COPS4: variants seen among roughly 807,000 people sequenced by gnomAD.
The protein encoded by COPS4 is COP9 signalosome subunit 4.
Under a neutral mutation model 55.1 loss-of-function variants are expected in COPS4, and 8 were observed. The ratio of observed to expected loss-of-function variants is 0.15; its 90% CI spans 0.09 to 0.26. COPS4 has a LOEUF of 0.26. Ranked by LOEUF, COPS4 falls within the 10% of genes least tolerant of loss-of-function variation. COPS4 has a pLI of 1.00. For missense variants in COPS4, 248 were observed against 484.0 expected (o/e 0.51, Z 4.58); for synonymous variants, 185 against 165.7 (o/e 1.12, Z -0.90).
At chr4:83,069,575 A>G (rs1731369485) in intron 9 of COPS4, among the ~76,000 whole-genome samples, 1 of 152,132 alleles carries the variant, frequency 6.6e-6, no homozygotes, top group South Asian at 2.1e-4. Context: ...TGACTATTTC[A>G]GGTTTGGTTT....
At chr4:83,038,940 G>T (rs1048485248) in intron 1 of COPS4, among the ~76,000 whole-genome samples, 1 of 152,122 alleles carries the variant, frequency 6.6e-6, no homozygotes, top group Non-Finnish European at 1.5e-5. Flanking sequence ...ACCGCGCCTG[G>T]CCAGCACTTA....
rs112044772 is a variant in COPS4, at chr4:83,045,864, G to T, written c.154+159G>T. On this transcript the variant is annotated intron_variant, in intron 2 of 9. Coordinates refer to ENST00000264389, the MANE Select transcript of COPS4 (RefSeq NM_016129.3). ...GTTTACAACTTGATTAATTTTCAGT[G>T]AATTATCTTCAGAATTACAATCCTA... 5.3e-5 allele frequency among the ~76,000 whole-genome samples: 8 copies of T among 152,200 alleles called. 1 individual carries two copies. Among genetic ancestry groups the T allele is most frequent in the African/African-American group, 1.9e-4 (8 of 41,542 alleles).
intron 1 of COPS4, among the ~76,000 whole-genome samples, chr4:83,044,739 C>G (rs1040096810): frequency 3.6e-4 from 55 of 152,100 alleles, no homozygotes; most frequent in African/African-American, 1.3e-3. Flanking sequence ...TGCGCCACTG[C>G]ACTCCAGCCT....
chr4:83,056,262 A>G (rs1241820550), intron 4 of COPS4, among the ~76,000 whole-genome samples: 1 of 152,066 alleles, frequency 6.6e-6, no homozygotes, highest in Non-Finnish European at 1.5e-5. Flanking sequence ...GTAAATGTAT[A>G]GTGGGTTAAG....
At chr4:83,045,211 T>C (rs1195189164) in intron 1 of COPS4, among the ~76,000 whole-genome samples, 1 of 152,240 alleles carries the variant, frequency 6.6e-6, no homozygotes, top group Non-Finnish European at 1.5e-5. Context: ...AATGTTTTTG[T>C]GTGTCTATGT....
chr4:83,049,131 C>T (rs1380973135), intron 2 of COPS4, 35 bp from the exon 3 acceptor site: 4 of 1,561,740 alleles, frequency 2.6e-6, no homozygotes, highest in Admixed American at 4.1e-5. Context: ...TTTATCAGCT[C>T]ATGTTTTCTT....
chr4:83,053,666 C>A (rs1730943603), intron 4 of COPS4, among the ~76,000 whole-genome samples: 1 of 151,708 alleles, frequency 6.6e-6, no homozygotes, highest in African/African-American at 2.4e-5. Flanking sequence ...CATGGTGAAA[C>A]CTTGTTTCTA....
At chr4:83,057,181 T>C in intron 5 of COPS4, 77 bp from the exon 6 acceptor site, 1 of 1,508,620 alleles carries the variant, frequency 6.6e-7, no homozygotes. Context: ...TTAGAAATTG[T>C]TTCTCTGTTT....
intron 4 of COPS4, among the ~76,000 whole-genome samples, chr4:83,053,722 C>T (rs1379283765): frequency 1.3e-5 from 2 of 150,754 alleles, no homozygotes; most frequent in Non-Finnish European, 2.9e-5. Flanking sequence ...TGCCTGTAAT[C>T]CCAGCTACTG....
chr4:83,039,347 A>T (rs1157579641), intron 1 of COPS4, among the ~76,000 whole-genome samples: 1 of 152,194 alleles, frequency 6.6e-6, no homozygotes, highest in Non-Finnish European at 1.5e-5. Context: ...GTTCCAAAAG[A>T]CAAACACATA....
intron 1 of COPS4, among the ~76,000 whole-genome samples, chr4:83,041,048 G>GTT (rs796336355): frequency 2.2e-5 from 3 of 138,498 alleles, no homozygotes; most frequent in African/African-American, 2.6e-5. Context: ...TCCTCCATAA[G>GTT]TTTTTTTTTT....
chr4:83,055,048 T>A (rs1324940051), intron 4 of COPS4, among the ~76,000 whole-genome samples: 5 of 152,208 alleles, frequency 3.3e-5, no homozygotes, highest in Admixed American at 3.3e-4. Flanking sequence ...TTTGCATAAA[T>A]TTCTCCTCCC....
chr4:83,036,392 C>T (rs138692665), intron 1 of COPS4, among the ~76,000 whole-genome samples: 324 of 152,250 alleles, frequency 2.1e-3, no homozygotes, highest in Non-Finnish European at 3.5e-3. Context: ...CCTGTTCTAA[C>T]CTGGTCATTG....
intron 4 of COPS4, among the ~76,000 whole-genome samples, chr4:83,055,012 GAATATTAATAT>G (rs1362256843): frequency 6.6e-6 from 1 of 152,332 alleles, no homozygotes; most frequent in African/African-American, 2.4e-5. Context: ...AAAAAGTACA[GAATATTAATAT>G]ATGCAAGGAA....
chr4:83,066,702 C>T (rs752745807), intron 8 of COPS4, 149 bp downstream of exon 8: 82 of 529,708 alleles, frequency 1.5e-4, no homozygotes, highest in Non-Finnish European at 2.0e-4. Context: ...ACCTAAAAAG[C>T]CACAAGTAAA....
intron 6 of COPS4, among the ~76,000 whole-genome samples, chr4:83,062,296 C>T (rs1731179021): frequency 1.3e-5 from 2 of 152,124 alleles, no homozygotes; most frequent in Non-Finnish European, 2.9e-5. Context: ...ACCTGTTCTT[C>T]CAACCGCTTG....
At position 83,054,113 on chromosome 4, in the gene COPS4, C is replaced by T. The variant is rs543011199; in HGVS notation, c.411-2813C>T. 5.9e-5 allele frequency among the ~76,000 whole-genome samples: 9 copies of T among 152,216 alleles called. No homozygotes were observed. In the South Asian group the frequency reaches 1.9e-3, roughly 32 times the overall value. On this transcript the variant is annotated intron_variant, in intron 4 of 9. Transcript: ENST00000264389. ...ATCCCAGCACTTTGGGAGGCTGAGG[C>T]AGGCGGATCACAAGGTCAGGAGATC...
intron 6 of COPS4, among the ~76,000 whole-genome samples, chr4:83,060,687 C>T (rs1731142555): frequency 6.6e-6 from 1 of 151,412 alleles, no homozygotes; most frequent in Non-Finnish European, 1.5e-5. Flanking sequence ...TTCCATGACA[C>T]GAAAAATTCT....
Position 83,057,389 on chromosome 4 carries a change from T to C in COPS4, c.696T>C (p.Cys232=). Residue 232 remains cysteine (C), a synonymous_variant, in exon 6 of 10, where the codon TGT becomes TGC. Coordinates refer to ENST00000264389, the MANE Select transcript of COPS4 (RefSeq NM_016129.3). ...RLEALKHALH[C]TILASAGQQR... is the part of the protein sequence containing the mutation. ...AGGCCTTAAAACATGCTTTGCACTG[T>C]ACGATCTTAGCATCAGCAGGTAAAC... 6.3e-7 allele frequency: 1 copy of C among 1,592,644 alleles called. No individual in the cohort carries two copies. The highest frequency in any genetic ancestry group is 8.5e-7 in the Non-Finnish European group (1 of 1,171,978).
Sources: gnomAD v4.1 joint callset for allele counts (sites outside exome capture counted in the v4.1 genomes callset) on GRCh38, gnomAD v4.1.1 for gene constraint, MANE v1.5 for transcripts, NCBI Gene and HGNC (gene_info 2026-07-23, HGNC 2026-07-21) for gene names.